SUGCT: variants seen among roughly 807,000 people sequenced by gnomAD.
The protein encoded by SUGCT is succinyl-CoA:glutarate CoA-transferase.
In SUGCT, 41 loss-of-function variants were observed where a neutral mutation model predicts 55.0. That is an observed-to-expected ratio of 0.74 (90% CI 0.58 to 0.97). The LOEUF is 0.97. SUGCT is among the 50% of genes least tolerant of loss of function. SUGCT has a pLI of 0.00. For synonymous variants in SUGCT, 187 were observed against 200.4 expected (o/e 0.93, Z 0.56); for missense variants, 568 against 547.8 (o/e 1.04, Z -0.37).
the SUGCT span, among the ~76,000 whole-genome samples, chr7:41,031,769 C>T: frequency 6.6e-6 from 1 of 152,208 alleles, no homozygotes; most frequent in East Asian, 1.9e-4. Flanking sequence ...TCTTACTCTT[C>T]TCTGAGCACC....
chr7:40,415,061 AATCTATCTATCTATCT>A (rs58954731), intron 9 of SUGCT, among the ~76,000 whole-genome samples: 4 of 63,622 alleles, frequency 6.3e-5, no homozygotes, highest in East Asian at 6.5e-4. Context: ...AAAAAAAAAA[AATCTATCTATCTATCT>A]ATCTATCTAT....
intron 12 of SUGCT, among the ~76,000 whole-genome samples, chr7:40,620,902 A>G (rs923939709): frequency 2.6e-5 from 4 of 152,190 alleles, no homozygotes; most frequent in African/African-American, 4.8e-5. Context: ...TTAGGTGGAA[A>G]TAGTCTTGGT....
chr7:40,710,204 C>T (rs1298225563), intron 12 of SUGCT, among the ~76,000 whole-genome samples: 2 of 152,210 alleles, frequency 1.3e-5, no homozygotes, highest in Non-Finnish European at 2.9e-5. Flanking sequence ...ACATTCTCTG[C>T]ATGTTAACTA....
rs185516593 is a variant in SUGCT, at chr7:40,375,495, T to G, written c.816+58640T>G. On this transcript the variant is annotated intron_variant, in intron 9 of 13. Transcript: ENST00000335693. ...TTAGGAGTTTCTCTCCTACTCCCCA[T>G]CTCATGGCCTTGGCACATGCTTTAT... Among the ~76,000 whole-genome samples, 203 of 152,326 alleles carry G rather than the reference T, an allele frequency of 1.3e-3. No individual in the cohort carries two copies. In the Middle Eastern group the frequency reaches 0.017, roughly 13 times the overall value.
At chr7:40,901,324 A>C in the SUGCT span, among the ~76,000 whole-genome samples, 2 of 152,300 alleles carry the variant, frequency 1.3e-5, no homozygotes, top group East Asian at 3.9e-4. Flanking sequence ...TCTCACGAAG[A>C]TCCTTTGATC....
intron 11 of SUGCT, among the ~76,000 whole-genome samples, chr7:40,477,794 T>C (rs760600603): frequency 3.3e-5 from 5 of 152,320 alleles, no homozygotes; most frequent in Middle Eastern, 3.4e-3. Flanking sequence ...GTTGTAGGCT[T>C]GTATATTCTG....
At chr7:40,475,972 T>C (rs1332569716) in intron 11 of SUGCT, among the ~76,000 whole-genome samples, 1 of 152,108 alleles carries the variant, frequency 6.6e-6, no homozygotes, top group Non-Finnish European at 1.5e-5. Flanking sequence ...CCTCTTTTAC[T>C]GAGGTGGTAT....
chr7:40,614,580 CT>C (rs1798906465), intron 12 of SUGCT, among the ~76,000 whole-genome samples: 1 of 151,948 alleles, frequency 6.6e-6, no homozygotes, highest in Admixed American at 6.6e-5. Context: ...GGTAGTTGTG[CT>C]GTTTTTTTTT....
At chr7:40,255,443 C>T (rs758393024) in intron 7 of SUGCT, among the ~76,000 whole-genome samples, 7 of 150,962 alleles carry the variant, frequency 4.6e-5, no homozygotes, top group Middle Eastern at 3.4e-3. Context: ...CGGCTGTTCA[C>T]CTGAGGTCAG....
chr7:40,678,975 T>C (rs958203525), intron 12 of SUGCT, among the ~76,000 whole-genome samples: 7 of 152,222 alleles, frequency 4.6e-5, no homozygotes, highest in African/African-American at 1.2e-4. Context: ...AAGTTCCTTC[T>C]GGTTGACTTT....
chr7:41,007,875 T>C, the SUGCT span, among the ~76,000 whole-genome samples: 1 of 146,436 alleles, frequency 6.8e-6, no homozygotes, highest in Non-Finnish European at 1.5e-5. Flanking sequence ...TTTTTTTAAA[T>C]CGTTGTGTTC....
chr7:40,345,343 T>C (rs898775888), intron 9 of SUGCT, among the ~76,000 whole-genome samples: 7 of 152,192 alleles, frequency 4.6e-5, no homozygotes, highest in African/African-American at 1.7e-4. Context: ...GTCACAAATA[T>C]TTTTATTCTT....
In SUGCT at chr7:40,315,811, G is replaced by T. The variant is rs530953146; in HGVS notation, c.721-949G>T. On this transcript the variant is annotated intron_variant, in intron 8 of 13. Transcript: ENST00000335693. ...TGCTATATCATGATTATGTCATGTGGCCTGAACCACTTTTTATTCTTTTCT... is the reference window on the plus strand; with the variant it reads ...TGCTATATCATGATTATGTCATGTGTCCTGAACCACTTTTTATTCTTTTCT... Among the ~76,000 whole-genome samples the T allele has an allele frequency of 2.6e-5, 4 of 152,242 alleles. No individual in the cohort carries two copies. The South Asian group carries it at 8.3e-4, about 32-fold the overall frequency.
chr7:40,552,466 C>T (rs1795349783), intron 12 of SUGCT, among the ~76,000 whole-genome samples: 1 of 152,112 alleles, frequency 6.6e-6, no homozygotes, highest in African/African-American at 2.4e-5. Flanking sequence ...TAATAGATCA[C>T]CCAGGGCCTG....
chr7:40,461,764 C>CA (rs1009803969), intron 11 of SUGCT, among the ~76,000 whole-genome samples: 1 of 152,062 alleles, frequency 6.6e-6, no homozygotes, highest in Non-Finnish European at 1.5e-5. Flanking sequence ...CTCATAGCCA[C>CA]AAAAAAGGAG....
At chr7:40,146,448 C>T (rs1447922983) in intron 1 of SUGCT, among the ~76,000 whole-genome samples, 1 of 152,184 alleles carries the variant, frequency 6.6e-6, no homozygotes, top group Non-Finnish European at 1.5e-5. Context: ...GGTCTCACAG[C>T]CTTCAGCGCT....
At chr7:40,669,892 G>T (rs1202995000) in intron 12 of SUGCT, among the ~76,000 whole-genome samples, 1 of 151,880 alleles carries the variant, frequency 6.6e-6, no homozygotes, top group Non-Finnish European at 1.5e-5. Flanking sequence ...AAAATTTGAT[G>T]AAAAGCTCAC....
At chr7:40,583,845 C>T (rs970236976) in intron 12 of SUGCT, among the ~76,000 whole-genome samples, 3 of 152,120 alleles carry the variant, frequency 2.0e-5, no homozygotes, top group African/African-American at 7.2e-5. Context: ...GGGTATTGTG[C>T]TTATGTAACC....
the SUGCT span, among the ~76,000 whole-genome samples, chr7:40,922,078 C>A: frequency 2.6e-5 from 4 of 152,052 alleles, no homozygotes; most frequent in East Asian, 7.7e-4. Context: ...TATTTGTCAC[C>A]CCCTGGATTG....
Sources: allele counts gnomAD v4.1 joint callset (sites outside exome capture counted in the v4.1 genomes callset), GRCh38; gene constraint gnomAD v4.1.1; transcripts MANE v1.5; gene names NCBI Gene and HGNC (gene_info 2026-07-23, HGNC 2026-07-21).